CTNS: variants seen among roughly 807,000 people sequenced by gnomAD.
CTNS encodes the protein cystinosin.
In CTNS, 27 loss-of-function variants were observed where a neutral mutation model predicts 43.7. That is an observed-to-expected ratio of 0.62 (90% CI 0.46 to 0.85). The LOEUF is 0.85. Ranked by LOEUF, CTNS falls within the 40% of genes least tolerant of loss-of-function variation. The probability of loss-of-function intolerance (pLI) is 0.00; values close to 1 mark genes in which losing one functional copy is unlikely to be tolerated. For synonymous variants in CTNS, 187 were observed against 190.6 expected, an observed-to-expected ratio of 0.98 and a Z score of 0.16; for missense variants, 457 against 475.4, an observed-to-expected ratio of 0.96 and a Z score of 0.36.
intron 6 of CTNS, 56 bp from the exon 7 acceptor site, chr17:3,655,165 G>C (rs992418471): frequency 1.4e-5 from 23 of 1,613,884 alleles, no homozygotes; most frequent in Non-Finnish European, 1.9e-5. Context: ...GGGCACGTGG[G>C]AGTCTCCTTC....
chr17:3,656,452 C>G, intron 7 of CTNS, 35 bp from the exon 8 acceptor site: 3 of 1,429,670 alleles, frequency 2.1e-6, no homozygotes, highest in Non-Finnish European at 2.8e-6. Context: ...CCAGTCTTCA[C>G]CCCCTGCCCT....
At chr17:3,655,440 C>T (rs377714203) in intron 7 of CTNS, 88 bp downstream of exon 7, 19 of 1,566,500 alleles carry the variant, frequency 1.2e-5, no homozygotes, top group African/African-American at 8.1e-5. Context: ...CAGCCTCCAA[C>T]GTCCCCTCTA....
At chr17:3,653,746 C>T (rs1419045840) in intron 5 of CTNS, among the ~76,000 whole-genome samples, 2 of 151,888 alleles carry the variant, frequency 1.3e-5, no homozygotes, top group African/African-American at 2.4e-5. Context: ...CGTGGTGGCA[C>T]ACGCCTATAA....
chr17:3,642,744 G>C (rs2075751107), intron 3 of CTNS, among the ~76,000 whole-genome samples: 1 of 152,162 alleles, frequency 6.6e-6, no homozygotes, highest in Non-Finnish European at 1.5e-5. Flanking sequence ...CACTGGAATT[G>C]AATCTCCAAC....
chr17:3,641,385 T>TATGTATATA (rs57286057), intron 3 of CTNS, among the ~76,000 whole-genome samples: 1 of 42,098 alleles, frequency 2.4e-5, no homozygotes, highest in South Asian at 9.9e-4. Flanking sequence ...TATATATATA[T>TATGTATATA]TTTTTTTTTT....
intron 5 of CTNS, among the ~76,000 whole-genome samples, chr17:3,650,850 T>A (rs963456474): frequency 2.0e-5 from 3 of 152,216 alleles, no homozygotes; most frequent in African/African-American, 7.2e-5. Context: ...TCGCCCAGGT[T>A]GGAGTAAAGT....
At position 3,650,132 on chromosome 17, in the gene CTNS, A is replaced by T. The variant is rs182590681; in HGVS notation, c.225+1201A>T. 6.5e-6 allele frequency: 10 copies of T among 1,546,176 alleles called. No homozygotes were observed. In the East Asian group the frequency reaches 2.4e-4, roughly 38 times the overall value. On this transcript the variant is annotated intron_variant, in intron 5 of 11. Transcript: ENST00000046640. ...ATCAAAGCATCACGTTATATACTGC[A>T]AATATATACACTTTTTATTTGTCAA...
At chr17:3,643,971 T>G (rs1188242681) in intron 3 of CTNS, among the ~76,000 whole-genome samples, 2 of 151,818 alleles carry the variant, frequency 1.3e-5, no homozygotes, top group Non-Finnish European at 1.5e-5. Flanking sequence ...CCTGGCGGGG[T>G]CAAAGCTGCA....
intron 5 of CTNS, 55 bp downstream of exon 5, chr17:3,648,986 T>C (rs1351059441): frequency 6.4e-6 from 9 of 1,413,638 alleles, no homozygotes; most frequent in East Asian, 4.6e-5. Context: ...CAGAACACAT[T>C]TGAATTAAGA....
At chr17:3,648,299 C>T (rs1366098292) in intron 4 of CTNS, among the ~76,000 whole-genome samples, 1 of 152,204 alleles carries the variant, frequency 6.6e-6, no homozygotes, top group Non-Finnish European at 1.5e-5. Flanking sequence ...CATCTCTTAC[C>T]ACAACTGTCC....
intron 2 of CTNS, among the ~76,000 whole-genome samples, 192 bp downstream of exon 2, chr17:3,637,508 C>G (rs1212794356): frequency 6.6e-6 from 1 of 151,706 alleles, no homozygotes; most frequent in Non-Finnish European, 1.5e-5. Context: ...CCTCTGTCAC[C>G]CAGGCTGGAG....
intron 5 of CTNS, among the ~76,000 whole-genome samples, chr17:3,650,777 TA>T (rs1233194150): frequency 7.2e-5 from 11 of 152,204 alleles, no homozygotes; most frequent in African/African-American, 2.7e-4. Flanking sequence ...GTCATCTTTT[TA>T]TTTTTATGTA....
intron 5 of CTNS, among the ~76,000 whole-genome samples, chr17:3,653,020 G>T (rs2076023600): frequency 6.6e-6 from 1 of 152,218 alleles, no homozygotes; most frequent in Non-Finnish European, 1.5e-5. Flanking sequence ...AGCTACTCAG[G>T]AGGCTGAGGC....
chr17:3,644,755 C>T (rs2075806281), intron 3 of CTNS, among the ~76,000 whole-genome samples: 1 of 152,174 alleles, frequency 6.6e-6, no homozygotes, highest in South Asian at 2.1e-4. Context: ...TGAGCCACCG[C>T]GCCCGGCCTA....
At chr17:3,657,829 G>T in intron 9 of CTNS, 176 bp from the exon 10 acceptor site, 1 of 663,140 alleles carries the variant, frequency 1.5e-6, no homozygotes, top group Non-Finnish European at 2.7e-6. Context: ...GCTTTCTGTG[G>T]TCCACATGTT....
intron 3 of CTNS, among the ~76,000 whole-genome samples, chr17:3,645,679 G>A (rs2075825276): frequency 6.6e-6 from 1 of 152,002 alleles, no homozygotes; most frequent in African/African-American, 2.4e-5. Flanking sequence ...GGCCAACATG[G>A]TGAAACCTCA....
intron 3 of CTNS, among the ~76,000 whole-genome samples, chr17:3,642,006 C>T (rs939304123): frequency 4.6e-5 from 7 of 150,890 alleles, no homozygotes; most frequent in Non-Finnish European, 8.9e-5. Context: ...TGTGCGTGTG[C>T]CTGGGAGTGT....
In CTNS at chr17:3,662,652, C is replaced by T. The variant is rs993836240; in HGVS notation, c.*2283C>T. Among the ~76,000 whole-genome samples the T allele has an allele frequency of 1.3e-5, 2 of 152,206 alleles. No individual in the cohort carries two copies. The highest frequency in any genetic ancestry group is 4.8e-5 in the African/African-American group (2 of 41,452). On this transcript the variant is annotated 3_prime_UTR_variant, in exon 12 of 12. Coordinates refer to ENST00000046640, the MANE Select transcript of CTNS (RefSeq NM_004937.3). ...TCACAGTAACACCCAAGAAAGCACACGCACCCCAGGGTCCCACCCCAGTGC... is the reference window on the plus strand; with the variant it reads ...TCACAGTAACACCCAAGAAAGCACATGCACCCCAGGGTCCCACCCCAGTGC...
At chr17:3,653,887 T>A (rs55634071) in intron 5 of CTNS, among the ~76,000 whole-genome samples, 133,792 of 151,502 alleles carry the variant, frequency 0.88, 61,303 homozygotes, top group Non-Finnish European at 1. Context: ...GGGGGAAAAA[T>A]AAAGTCTCAG....
Sources: allele counts gnomAD v4.1 joint callset (sites outside exome capture counted in the v4.1 genomes callset), GRCh38; gene constraint gnomAD v4.1.1; transcripts MANE v1.5; gene names NCBI Gene and HGNC (gene_info 2026-07-23, HGNC 2026-07-21).